ZBTB46: variants seen among roughly 807,000 people sequenced by gnomAD.
ZBTB46 encodes the protein zinc finger and BTB domain containing 46, also known as zinc finger and BTB domain-containing protein 46.
ZBTB46 carries 8 observed loss-of-function variants against 44.1 expected under a neutral mutation model. The ratio of observed to expected loss-of-function variants is 0.18; its 90% confidence interval spans 0.11 to 0.33. The LOEUF is 0.33. Among genes scored for constraint, ZBTB46 ranks in the 10% least tolerant of loss-of-function variants. The pLI is 1.00. For missense variants in ZBTB46, 651 were observed against 847.7 expected, an observed-to-expected ratio of 0.77 and a Z score of 2.88; for synonymous variants, 409 against 382.3, an observed-to-expected ratio of 1.07 and a Z score of -0.81.
intron 1 of ZBTB46, among the ~76,000 whole-genome samples, chr20:63,823,508 A>G (rs1178875842): frequency 1.3e-5 from 2 of 151,816 alleles, no homozygotes; most frequent in Non-Finnish European, 2.9e-5. Context: ...AAAAAAATAA[A>G]TAAATAAATA....
At chr20:63,808,838 C>G (rs920501806) in intron 1 of ZBTB46, among the ~76,000 whole-genome samples, 2 of 151,420 alleles carry the variant, frequency 1.3e-5, no homozygotes, top group African/African-American at 4.8e-5. Flanking sequence ...ATTAGCCGGG[C>G]GTGGTGGGGG....
intron 3 of ZBTB46, among the ~76,000 whole-genome samples, chr20:63,774,051 C>CT (rs2092399447): frequency 4.3e-5 from 1 of 23,006 alleles, no homozygotes. Flanking sequence ...AAGTGGCACC[C>CT]CCCGCCCCCC....
intron 3 of ZBTB46, among the ~76,000 whole-genome samples, chr20:63,758,848 CA>C (rs1312423371): frequency 3.3e-5 from 5 of 151,978 alleles, no homozygotes; most frequent in African/African-American, 1.2e-4. Flanking sequence ...TCTCCTGCCT[CA>C]GCCTCCCGAG....
intron 1 of ZBTB46, among the ~76,000 whole-genome samples, chr20:63,794,657 C>T (rs563110260): frequency 6.6e-6 from 1 of 152,308 alleles, no homozygotes; most frequent in East Asian, 1.9e-4. Context: ...GCCACGTCAA[C>T]CCCACTGTGG....
At chr20:63,763,994 G>A (rs188718143) in intron 3 of ZBTB46, among the ~76,000 whole-genome samples, 6 of 151,350 alleles carry the variant, frequency 4.0e-5, no homozygotes, top group African/African-American at 1.2e-4. Context: ...AATAAGAGAC[G>A]GCCTTGCTCT....
At chr20:63,819,643 A>G (rs984865774) in intron 1 of ZBTB46, among the ~76,000 whole-genome samples, 13 of 152,176 alleles carry the variant, frequency 8.5e-5, no homozygotes, top group Admixed American at 3.9e-4. Flanking sequence ...ACGGATTAAA[A>G]CAACCACTTC....
At chr20:63,801,531 C>T (rs775851800) in intron 1 of ZBTB46, among the ~76,000 whole-genome samples, 1 of 152,174 alleles carries the variant, frequency 6.6e-6, no homozygotes, top group Non-Finnish European at 1.5e-5. Context: ...GGTCCCCTTT[C>T]ATACATTGAA....
Position 63,800,444 on chromosome 20 carries a change from T to A in ZBTB46, c.-33-9654A>T, listed in dbSNP as rs150014862. ...ACTCACTCTTGGCGCCTCCTCGACC[T>A]CAGCGCCCACTCTGGCTGCACTTGA... On this transcript the variant is annotated intron_variant, in intron 1 of 4. Transcript: ENST00000245663. 8.1e-3 allele frequency among the ~76,000 whole-genome samples: 1,239 copies of A among 152,290 alleles called. 15 individuals are homozygous for A. Among genetic ancestry groups the A allele is most frequent in the African/African-American group, 0.028 (1,168 of 41,558 alleles).
At chr20:63,780,304 A>C (rs1045328074) in intron 2 of ZBTB46, among the ~76,000 whole-genome samples, 7 of 152,078 alleles carry the variant, frequency 4.6e-5, no homozygotes, top group African/African-American at 1.4e-4. Flanking sequence ...AGAAATTCTC[A>C]TTAATTTTAT....
At chr20:63,754,242 T>C (rs1371690201) in intron 3 of ZBTB46, among the ~76,000 whole-genome samples, 2 of 152,196 alleles carry the variant, frequency 1.3e-5, no homozygotes, top group Admixed American at 1.3e-4. Context: ...CTTCCTGGCC[T>C]GTCCTCTGTC....
chr20:63,833,597 GAAAA>G (rs963871494), upstream of ZBTB46, among the ~76,000 whole-genome samples: 1 of 150,772 alleles, frequency 6.6e-6, no homozygotes, highest in Non-Finnish European at 1.5e-5. Flanking sequence ...TCTCAAAAAA[GAAAA>G]AAAAAGAAAC....
chr20:63,752,959 C>G lies in ZBTB46; in HGVS notation c.1223-98G>C, dbSNP rs2092184312. ...GCACGCCGCAGCCCAGCAGCCAGGA[C>G]GGGCTGTCTCCCACGGCCACCCACT... On this transcript the variant is annotated intron_variant, in intron 3 of 4. Transcript: ENST00000245663. This position sits in a 1 kb window ranked among gnomAD's most constrained non-coding sequence, Gnocchi z 5.6. 3 of 1,358,828 alleles carry G rather than the reference C, an allele frequency of 2.2e-6. No individual in the cohort carries two copies. Among genetic ancestry groups the G allele is most frequent in the Non-Finnish European group, 3.0e-6 (3 of 1,014,570 alleles). The allele number at this position is 1,358,828 out of a possible 1,614,324, so 84.2% of individuals were successfully genotyped here.
rs2092328728 is a variant in ZBTB46 at position 63,767,319 on chromosome 20, G to GTC, written c.1222+8357_1222+8358dup. ...ACATTGGCAATCCCGTAGGATCTCG[G>GTC]TCATCTGAACCCCGTCGGGCAGAAG... On this transcript the variant is annotated intron_variant, in intron 3 of 4. Coordinates refer to ENST00000245663, the MANE Select transcript of ZBTB46 (RefSeq NM_001369741.1). The surrounding 1 kb of genome is among the most constrained non-coding windows in gnomAD (Gnocchi z 5.0). Among the ~76,000 whole-genome samples, 1 of 152,056 alleles carries GTC rather than the reference G, an allele frequency of 6.6e-6. No homozygotes were observed. Among genetic ancestry groups the GTC allele is most frequent in the African/African-American group, 2.4e-5 (1 of 41,406 alleles).
chr20:63,770,025 C>T (rs995900137), intron 3 of ZBTB46, among the ~76,000 whole-genome samples: 21 of 152,220 alleles, frequency 1.4e-4, no homozygotes, highest in Non-Finnish European at 2.8e-4. Flanking sequence ...GAGGCGGCAC[C>T]GCACCGCCAT....
intron 3 of ZBTB46, among the ~76,000 whole-genome samples, chr20:63,773,349 C>T (rs1456774916): frequency 6.6e-6 from 1 of 151,990 alleles, no homozygotes; most frequent in Non-Finnish European, 1.5e-5. Flanking sequence ...CCACCTCAGC[C>T]GCCTGAGTAG....
intron 4 of ZBTB46, among the ~76,000 whole-genome samples, chr20:63,749,771 G>GC (rs1173483323): frequency 1.3e-5 from 2 of 152,234 alleles, no homozygotes; most frequent in Non-Finnish European, 2.9e-5. Flanking sequence ...AAACACTGAG[G>GC]CCCCTTGAGG....
At chr20:63,791,040 G>A (rs2092556909) in intron 1 of ZBTB46, 1 of 441,986 alleles carries the variant, frequency 2.3e-6, no homozygotes, top group Non-Finnish European at 4.0e-6. Flanking sequence ...CGAGGCTAAT[G>A]GGGTTCTGAA....
At chr20:63,806,088 ATAT>A (rs2092679595) in intron 1 of ZBTB46, among the ~76,000 whole-genome samples, 2 of 151,430 alleles carry the variant, frequency 1.3e-5, no homozygotes, top group South Asian at 4.2e-4. Context: ...ACTTTTAAAA[ATAT>A]TATAATTTTC....
chr20:63,766,989 T>C (rs533175256), intron 3 of ZBTB46, among the ~76,000 whole-genome samples: 2 of 152,324 alleles, frequency 1.3e-5, no homozygotes, highest in African/African-American at 2.4e-5. Context: ...CCTGCTGCTC[T>C]GGGTCCCTGG....
Sources: allele counts gnomAD v4.1 joint callset (sites outside exome capture counted in the v4.1 genomes callset), GRCh38; gene constraint gnomAD v4.1.1; non-coding constraint Gnocchi (gnomAD v3.1); transcripts MANE v1.5; gene names NCBI Gene and HGNC (gene_info 2026-07-23, HGNC 2026-07-21).